CSMD2: variants seen among roughly 807,000 people sequenced by gnomAD.
CSMD2 encodes CUB and sushi domain-containing protein 2.
Under a neutral mutation model 398.5 loss-of-function variants are expected in CSMD2, and 130 were observed. That is an observed-to-expected ratio of 0.33 (90% CI 0.28 to 0.38). The LOEUF (loss-of-function observed/expected upper bound fraction) is 0.38. Ranked by LOEUF, CSMD2 falls within the 10% of genes least tolerant of loss-of-function variation. CSMD2 has a pLI of 1.00. For synonymous variants in CSMD2, 1,828 were observed against 1,908.5 expected (o/e 0.96, Z 1.10); for missense variants, 3,829 against 4,764.9 (o/e 0.80, Z 5.78).
At chr1:33,557,978 C>T (rs543915363) in intron 54 of CSMD2, 56 bp from the exon 55 acceptor site, 55 of 1,468,052 alleles carry the variant, frequency 3.7e-5, no homozygotes, top group South Asian at 7.5e-5. Flanking sequence ...TAAAATCTTC[C>T]GAGCAAAACT....
chr1:34,045,573 G>C (rs911353925), intron 2 of CSMD2, among the ~76,000 whole-genome samples: 1 of 152,132 alleles, frequency 6.6e-6, no homozygotes, highest in Non-Finnish European at 1.5e-5. Flanking sequence ...TTTATTTTTG[G>C]AGGCTGGGAT....
rs777467026 is a variant in CSMD2 at position 33,657,996 on chromosome 1, A to G, written c.4397T>C (p.Val1466Ala). ...ALQGSAEISC[V>A]KIENRFFWQP... Reference sequence around the variant, plus strand: ...CCAGAAGAACCTGTTCTCGATCTTCACACAGCTGATCTCTGCACTTCCCTG... The same window carrying G: ...CCAGAAGAACCTGTTCTCGATCTTCGCACAGCTGATCTCTGCACTTCCCTG... Residue 1466 changes from valine to alanine, a missense_variant, in exon 27 of 71, where the codon GTG becomes GCG. Physicochemically the swap from Val to Ala is moderately conservative, Grantham distance 64 (BLOSUM62 0). Around this residue, in one of 5 missense-constraint regions of CSMD2, gnomAD observed 2,001 missense variants for 2,567.1 expected, o/e 0.78. Transcript: ENST00000373381. 4.3e-6 allele frequency: 7 copies of G among 1,613,984 alleles called. No individual in the cohort carries two copies. The South Asian group carries it at 7.7e-5, about 18-fold the overall frequency.
At chr1:33,626,666 CT>C (rs1444278085) in intron 32 of CSMD2, 85 bp from the exon 33 acceptor site, 1 of 867,742 alleles carries the variant, frequency 1.2e-6, no homozygotes. Context: ...GAAGGAGGGG[CT>C]GCCAGTACCC....
intron 27 of CSMD2, among the ~76,000 whole-genome samples, chr1:33,653,683 T>C (rs1252893850): frequency 6.6e-6 from 1 of 152,092 alleles, no homozygotes; most frequent in African/African-American, 2.4e-5. Flanking sequence ...TCTTCCTCCA[T>C]GGCTGGGGCT....
At chr1:34,017,499 G>A (rs973354617) in intron 3 of CSMD2, among the ~76,000 whole-genome samples, 8 of 152,206 alleles carry the variant, frequency 5.3e-5, no homozygotes, top group East Asian at 1.9e-4. Flanking sequence ...GCTCATGCCT[G>A]TAATCCCAGC....
At chr1:33,985,522 G>A (rs1411691946) in intron 3 of CSMD2, among the ~76,000 whole-genome samples, 2 of 152,208 alleles carry the variant, frequency 1.3e-5, no homozygotes, top group East Asian at 3.9e-4. Flanking sequence ...CTTGGAGGGT[G>A]CTTGTAGGAA....
At chr1:33,819,921 C>T (rs756583839) in intron 8 of CSMD2, 84 bp from the exon 9 acceptor site, 82 of 1,554,988 alleles carry the variant, frequency 5.3e-5, no homozygotes, top group Non-Finnish European at 6.6e-5. Flanking sequence ...ACAAAGAAGC[C>T]GCACATGTTA....
At chr1:33,717,514 T>C (rs1646213201) in intron 19 of CSMD2, among the ~76,000 whole-genome samples, 1 of 151,708 alleles carries the variant, frequency 6.6e-6, no homozygotes, top group African/African-American at 2.4e-5. Context: ...ATGTCTTCTG[T>C]TACCTAGGGA....
rs145422600 is a variant in CSMD2 at position 34,042,073 on chromosome 1, A to G, written c.405-9367T>C. ...AGAACCAGTGAGAAAGGCCATAATG[A>G]AACTCTGATCTCAACAAACTCCAAC... On this transcript the variant is annotated intron_variant, in intron 2 of 70. Coordinates refer to ENST00000373381, the MANE Select transcript of CSMD2 (RefSeq NM_001281956.2). Among the ~76,000 whole-genome samples the G allele has an allele frequency of 3.3e-5, 5 of 152,336 alleles. No homozygotes were observed. The East Asian group carries it at 9.6e-4, about 29-fold the overall frequency.
intron 25 of CSMD2, among the ~76,000 whole-genome samples, chr1:33,685,067 G>C (rs1251149330): frequency 6.6e-6 from 1 of 152,200 alleles, no homozygotes; most frequent in Non-Finnish European, 1.5e-5. Flanking sequence ...AAGGATAGTG[G>C]TTCTTCCCAA....
chr1:33,644,786 A>G (rs1029786398), intron 29 of CSMD2, among the ~76,000 whole-genome samples: 3 of 152,084 alleles, frequency 2.0e-5, no homozygotes, highest in African/African-American at 7.2e-5. Context: ...TTAGAATTCC[A>G]AAGTGTCTGA....
intron 21 of CSMD2, among the ~76,000 whole-genome samples, chr1:33,711,928 G>A (rs746062910): frequency 2.0e-5 from 3 of 152,180 alleles, no homozygotes; most frequent in Non-Finnish European, 4.4e-5. Flanking sequence ...GAGGGGACAG[G>A]AGGGATAGAG....
At chr1:34,153,809 G>C (rs1309099206) in intron 1 of CSMD2, among the ~76,000 whole-genome samples, 1 of 152,086 alleles carries the variant, frequency 6.6e-6, no homozygotes, top group Non-Finnish European at 1.5e-5. Context: ...CAAGGGAGTG[G>C]GCCCATGGGA....
intron 24 of CSMD2, among the ~76,000 whole-genome samples, chr1:33,694,937 G>A (rs545739027): frequency 6.8e-4 from 103 of 152,314 alleles, no homozygotes; most frequent in Non-Finnish European, 1.3e-3. Flanking sequence ...TCCCCTGGAA[G>A]AGTTTACTGT....
intron 6 of CSMD2, among the ~76,000 whole-genome samples, chr1:33,841,201 A>C (rs990157107): frequency 3.3e-5 from 5 of 152,234 alleles, no homozygotes; most frequent in Admixed American, 3.3e-4. Context: ...CTGGGATCTG[A>C]CTGAAGGGAG....
At chr1:33,847,994 AGG>A (rs1638404331) in intron 5 of CSMD2, among the ~76,000 whole-genome samples, 1 of 152,206 alleles carries the variant, frequency 6.6e-6, no homozygotes, top group African/African-American at 2.4e-5. Flanking sequence ...TAGGCATTTC[AGG>A]GTTCCAGCAG....
At chr1:33,634,924 G>A (rs931810879) in intron 31 of CSMD2, among the ~76,000 whole-genome samples, 2 of 152,050 alleles carry the variant, frequency 1.3e-5, no homozygotes, top group African/African-American at 4.8e-5. Flanking sequence ...GGGCCATACT[G>A]GGTAGTCCCC....
intron 41 of CSMD2, among the ~76,000 whole-genome samples, chr1:33,607,883 TG>T (rs1450561771): frequency 6.6e-6 from 1 of 152,186 alleles, no homozygotes; most frequent in Non-Finnish European, 1.5e-5. Flanking sequence ...GCCTCTCACA[TG>T]TTGGGCCAAC....
Position 33,572,593 on chromosome 1 carries a change from A to T in CSMD2, c.7675T>A (p.Tyr2559Asn). 6.2e-7 allele frequency: 1 copy of T among 1,614,094 alleles called. No individual in the cohort carries two copies. The change falls in exon 50 of 71, where the codon TAC (tyrosine) becomes AAC (asparagine). Residue 2559 changes from tyrosine to asparagine, a missense_variant. This residue lies in a region of CSMD2 where 723 missense variants were observed against 758.6 expected (regional missense o/e 0.95). Coordinates refer to ENST00000373381, the MANE Select transcript of CSMD2 (RefSeq NM_001281956.2). ...GCCTCAGCGCCTGCCTGGAGGTGGT[A>T]GCCTTCACTGCAGCTGTACATGGCC... The part of the protein sequence containing the change: ...TKAMYSCSEG[Y>N]HLQAGAEATA...
Sources: allele counts gnomAD v4.1 joint callset (sites outside exome capture counted in the v4.1 genomes callset), GRCh38; gene constraint gnomAD v4.1.1; regional missense constraint gnomAD v4.1.1; transcripts MANE v1.5; gene names NCBI Gene and HGNC (gene_info 2026-07-23, HGNC 2026-07-21).